TAFA1: variants seen among roughly 807,000 people sequenced by gnomAD.
TAFA1 encodes the protein TAFA chemokine like family member 1, also known as chemokine-like protein TAFA-1.
TAFA1 carries 4 observed loss-of-function variants against 18.5 expected under a neutral mutation model. The observed-to-expected ratio is 0.22, with a 90% CI of 0.11 to 0.49. The LOEUF (loss-of-function observed/expected upper bound fraction) is 0.49. Ranked by LOEUF, TAFA1 falls within the 20% of genes least tolerant of loss-of-function variation. The probability of loss-of-function intolerance (pLI) is 0.98; values close to 1 mark genes in which losing one functional copy is unlikely to be tolerated. For synonymous variants in TAFA1, 56 were observed against 55.2 expected (o/e 1.01, Z -0.06); for missense variants, 147 against 169.0 (o/e 0.87, Z 0.72).
chr3:68,287,943 A>C (rs1411795299), intron 2 of TAFA1, among the ~76,000 whole-genome samples: 2 of 139,724 alleles, frequency 1.4e-5, no homozygotes, highest in African/African-American at 2.5e-5. Context: ...TTTTTTTCTG[A>C]GTACCCTAAA....
chr3:68,206,773 A>G (rs1055078849), intron 2 of TAFA1, among the ~76,000 whole-genome samples: 2 of 151,938 alleles, frequency 1.3e-5, no homozygotes, highest in Admixed American at 6.6e-5. Context: ...CTTTTTTCCA[A>G]GTGCTTCCGA....
intron 2 of TAFA1, among the ~76,000 whole-genome samples, chr3:68,156,687 A>G (rs749932449): frequency 2.6e-5 from 4 of 152,180 alleles, no homozygotes; most frequent in South Asian, 2.1e-4. Context: ...TTAACAATGA[A>G]TATAACTTCA....
intron 2 of TAFA1, among the ~76,000 whole-genome samples, chr3:68,150,552 G>A (rs1318135256): frequency 6.6e-6 from 1 of 152,112 alleles, no homozygotes; most frequent in Non-Finnish European, 1.5e-5. Context: ...CTTAACATGA[G>A]AGCCATGACT....
Position 68,509,394 on chromosome 3 carries a change from GTGTGTA to G in TAFA1, c.260-29360_260-29355del, listed in dbSNP as rs2072812991. Among the ~76,000 whole-genome samples the G allele has an allele frequency of 4.6e-5, 7 of 152,234 alleles. No individual in the cohort carries two copies. The South Asian group carries it at 1.4e-3, about 32-fold the overall frequency. ...CAAGATTTCCGTCATGGTCTTGTCT[GTGTGTA>G]TCTCCTTTGCAGGCCTGTCTCCTGA... is the stretch of plus-strand genomic sequence containing the variant. On this transcript the variant is annotated intron_variant, in intron 3 of 4. Transcript: ENST00000478136.
intron 2 of TAFA1, among the ~76,000 whole-genome samples, chr3:68,252,964 C>G (rs1575710695): frequency 6.6e-6 from 1 of 152,240 alleles, no homozygotes. Context: ...ACTCTCTTGC[C>G]AGGTGTCATG....
intron 2 of TAFA1, among the ~76,000 whole-genome samples, chr3:68,386,801 C>T (rs927451673): frequency 6.6e-6 from 1 of 152,156 alleles, no homozygotes; most frequent in African/African-American, 2.4e-5. Context: ...CTGCCAGAAG[C>T]TTATTTTGTT....
chr3:68,521,905 G>A (rs1330191412), intron 3 of TAFA1, among the ~76,000 whole-genome samples: 13 of 111,820 alleles, frequency 1.2e-4, no homozygotes, highest in Non-Finnish European at 1.7e-4. Flanking sequence ...TGTTACGTAG[G>A]CTGAAGTGCA....
intron 2 of TAFA1, among the ~76,000 whole-genome samples, chr3:68,190,392 C>A (rs2066322627): frequency 6.6e-6 from 1 of 151,790 alleles, no homozygotes; most frequent in Non-Finnish European, 1.5e-5. Flanking sequence ...TTCCACACAC[C>A]CATCTGAACT....
chr3:67,992,092 A>G, the TAFA1 span, among the ~76,000 whole-genome samples: 1 of 152,210 alleles, frequency 6.6e-6, no homozygotes, highest in African/African-American at 2.4e-5. Context: ...GTGTTTCACT[A>G]GTGGACAGAC....
intron 2 of TAFA1, among the ~76,000 whole-genome samples, chr3:68,251,702 C>T (rs551175987): frequency 2.0e-5 from 3 of 152,252 alleles, no homozygotes; most frequent in Admixed American, 6.5e-5. Flanking sequence ...GAGGCAGAAA[C>T]AGTGCTTGTG....
chr3:68,046,618 T>C (rs887980327), intron 2 of TAFA1, among the ~76,000 whole-genome samples: 2 of 152,210 alleles, frequency 1.3e-5, no homozygotes, highest in Non-Finnish European at 1.5e-5. Context: ...GAGTGCTTAC[T>C]GAGTTCAAGC....
chr3:68,396,125 G>A (rs1019861270), intron 2 of TAFA1, among the ~76,000 whole-genome samples: 2 of 151,934 alleles, frequency 1.3e-5, no homozygotes, highest in South Asian at 2.1e-4. Context: ...TTTGATTTTG[G>A]TCATTTGGTT....
intron 2 of TAFA1, among the ~76,000 whole-genome samples, chr3:68,338,765 T>C (rs1481811760): frequency 6.6e-6 from 1 of 152,216 alleles, no homozygotes; most frequent in African/African-American, 2.4e-5. Flanking sequence ...ACTGTATTAA[T>C]CAGTTATTGC....
intron 2 of TAFA1, among the ~76,000 whole-genome samples, chr3:68,099,459 A>G (rs190890909): frequency 2.0e-5 from 3 of 152,284 alleles, no homozygotes; most frequent in African/African-American, 7.2e-5. Context: ...ATAAGCTACC[A>G]TCTCACACCA....
chr3:68,270,601 G>A (rs1398788293), intron 2 of TAFA1, among the ~76,000 whole-genome samples: 1 of 152,156 alleles, frequency 6.6e-6, no homozygotes, highest in Non-Finnish European at 1.5e-5. Flanking sequence ...GTGGACCCAG[G>A]ATGAAAGTAT....
intron 2 of TAFA1, among the ~76,000 whole-genome samples, chr3:68,154,842 C>T (rs1329206832): frequency 6.6e-6 from 1 of 152,240 alleles, no homozygotes; most frequent in African/African-American, 2.4e-5. Context: ...TTTTCTGCCC[C>T]CCACCAAACA....
chr3:68,415,129 C>G (rs556470766), intron 2 of TAFA1, among the ~76,000 whole-genome samples: 3 of 152,278 alleles, frequency 2.0e-5, no homozygotes, highest in South Asian at 2.1e-4. Flanking sequence ...CAAGTTGCAG[C>G]CTTCTTTCTT....
At chr3:68,448,463 A>T (rs1391187893) in intron 3 of TAFA1, among the ~76,000 whole-genome samples, 2 of 152,200 alleles carry the variant, frequency 1.3e-5, no homozygotes, top group East Asian at 3.9e-4. Context: ...TAATACGACG[A>T]CTGTACTGTT....
intron 2 of TAFA1, among the ~76,000 whole-genome samples, chr3:68,146,425 C>G (rs955835947): frequency 1.3e-5 from 2 of 152,294 alleles, no homozygotes; most frequent in Middle Eastern, 3.4e-3. Context: ...CTTTCCTCCT[C>G]CTCTCCCAGC....
Sources: gnomAD v4.1 joint callset for allele counts (sites outside exome capture counted in the v4.1 genomes callset) on GRCh38, gnomAD v4.1.1 for gene constraint, MANE v1.5 for transcripts, NCBI Gene and HGNC (gene_info 2026-07-23, HGNC 2026-07-21) for gene names.